The following GALNT6 variants were observed in gnomAD, a reference collection of about 807,000 sequenced individuals.
The protein encoded by GALNT6 is GalNAc transferase 6.
GALNT6 carries 51 observed loss-of-function variants against 65.9 expected under a neutral mutation model. That is an observed-to-expected ratio of 0.77 (90% confidence interval 0.62 to 0.98). The LOEUF is 0.98. Among genes scored for constraint, GALNT6 ranks in the 50% least tolerant of loss-of-function variants. The pLI is 0.00. For synonymous variants in GALNT6, 323 were observed against 315.1 expected (o/e 1.02, Z -0.26); for missense variants, 708 against 803.3 (o/e 0.88, Z 1.43).
At chr12:51,390,445 T>C (rs1948029736) in intron 2 of GALNT6, among the ~76,000 whole-genome samples, 1 of 152,226 alleles carries the variant, frequency 6.6e-6, no homozygotes, top group South Asian at 2.1e-4. Context: ...ATTACAGGCA[T>C]GAGCCACCAC....
intron 5 of GALNT6, 135 bp downstream of exon 5, chr12:51,365,295 C>G: frequency 1.3e-6 from 1 of 747,020 alleles, no homozygotes; most frequent in Non-Finnish European, 2.1e-6. Context: ...GGTAGAGGCA[C>G]CTGGAGTGGG....
chr12:51,366,285 C>A (rs1345108184), intron 4 of GALNT6, among the ~76,000 whole-genome samples: 1 of 152,208 alleles, frequency 6.6e-6, no homozygotes, highest in South Asian at 2.1e-4. Context: ...CAGCCACCAT[C>A]TTCCAGAGCT....
rs200044810 is a variant in GALNT6, at chr12:51,360,832, C to T, written c.1056G>A (p.Pro352=). 92 of 1,607,646 alleles carry T rather than the reference C, an allele frequency of 5.7e-5. No homozygotes were observed. Among genetic ancestry groups the T allele is most frequent in the Admixed American group, 1.8e-4 (11 of 59,986 alleles). ...TGGAGAAGAGGCCACCAGCAAACGT[C>T]GGGGATCTGGAGAGACAGAGGGAGA... ...RKDETYPIKS[P]TFAGGLFSIS... The change falls in exon 7 of 12, where the codon CCG becomes CCA. Residue 352 remains proline (P), a synonymous_variant. Transcript: ENST00000356317.
intron 4 of GALNT6, among the ~76,000 whole-genome samples, chr12:51,370,235 A>G (rs931401699): frequency 6.6e-6 from 1 of 152,358 alleles, no homozygotes; most frequent in African/African-American, 2.4e-5. Flanking sequence ...ACAATAGAAT[A>G]GTATTCAGCC....
At chr12:51,384,854 C>T (rs1275076464) in intron 2 of GALNT6, among the ~76,000 whole-genome samples, 1 of 151,968 alleles carries the variant, frequency 6.6e-6, no homozygotes, top group Non-Finnish European at 1.5e-5. Flanking sequence ...CACTGCACTA[C>T]AACCTAGGCA....
At chr12:51,356,611 G>A (rs909928075) in intron 10 of GALNT6, among the ~76,000 whole-genome samples, 2 of 150,680 alleles carry the variant, frequency 1.3e-5, no homozygotes, top group Non-Finnish European at 3.0e-5. Context: ...TGATCCACCT[G>A]CCTCACCCTC....
intron 2 of GALNT6, among the ~76,000 whole-genome samples, chr12:51,380,208 A>G (rs1406085351): frequency 6.6e-6 from 1 of 152,170 alleles, no homozygotes; most frequent in Non-Finnish European, 1.5e-5. Context: ...ATTTGAAATG[A>G]ACACAGCCTG....
At chr12:51,368,625 C>T (rs572143209) in intron 4 of GALNT6, among the ~76,000 whole-genome samples, 10 of 152,010 alleles carry the variant, frequency 6.6e-5, no homozygotes, top group African/African-American at 1.9e-4. Flanking sequence ...AGGCTGGTCT[C>T]GAATTCCTGA....
At chr12:51,359,584 G>A (rs1009712042) in intron 7 of GALNT6, 5 of 364,124 alleles carry the variant, frequency 1.4e-5, no homozygotes, top group Non-Finnish European at 2.4e-5. Flanking sequence ...TGTTTACCAG[G>A]GCCCACTTTA....
rs1294593953 is a variant in GALNT6, at chr12:51,357,391, C to A, written c.1560G>T (p.Lys520Asn). 6.2e-7 allele frequency: 1 copy of A among 1,613,890 alleles called. No homozygotes were observed. Among genetic ancestry groups the A allele is most frequent in the Admixed American group, 1.7e-5 (1 of 60,012 alleles). ...LDVGENNRGG[K>N]PLIMYSCHGL... ...CGTGGCAGGAGTACATGATGAGGGG[C>A]TTCCCCCCGCGGTTGTTCTCACCCA... Residue 520 changes from lysine to asparagine, a missense_variant, in exon 10 of 12, where the codon AAG (lysine) becomes AAT (asparagine). By Grantham distance (94) the Lys-to-Asn change is moderately conservative (BLOSUM62 0). Transcript: ENST00000356317.
chr12:51,387,683 G>A lies in GALNT6; in HGVS notation c.-104+3167C>T, dbSNP rs1947886007. Among the ~76,000 whole-genome samples, 1 of 152,176 alleles carries A rather than the reference G, an allele frequency of 6.6e-6. No individual in the cohort carries two copies. The highest frequency in any genetic ancestry group is 2.4e-5 in the African/African-American group (1 of 41,440). On this transcript the variant is annotated intron_variant, in intron 2 of 11. Transcript: ENST00000356317. The surrounding 1 kb of genome is among the most constrained non-coding windows in gnomAD (Gnocchi z 4.2). ...GTTTATCCCTAGGAGTGCAGAAGTG[G>A]AGGGAGGGTTCCAGGTGGAGATGAG...
Position 51,353,138 on chromosome 12 carries a change from C to T in GALNT6, c.*1241G>A, listed in dbSNP as rs1247448049. The T allele has an allele frequency of 1.3e-5, 2 of 152,248 alleles. No homozygotes were observed. The allele number at this position is 152,248 out of a possible 1,614,324, so 9.4% of individuals were successfully genotyped here. The stretch of plus-strand genomic sequence containing the variant: ...GAGCCTCAGTCTTGGCTCCAGCCAT[C>T]TGCTAGCTATGGGACTACAGACAAG... On this transcript the variant is annotated 3_prime_UTR_variant, in exon 12 of 12. Coordinates refer to ENST00000356317, the MANE Select transcript of GALNT6 (RefSeq NM_007210.4).
chr12:51,369,214 G>A (rs987265919), intron 4 of GALNT6, among the ~76,000 whole-genome samples: 5 of 152,192 alleles, frequency 3.3e-5, no homozygotes, highest in East Asian at 1.9e-4. Flanking sequence ...GGGGGGCCCC[G>A]AGCACTACAA....
intron 2 of GALNT6, among the ~76,000 whole-genome samples, chr12:51,388,711 A>G (rs145226119): frequency 2.0e-5 from 3 of 151,974 alleles, no homozygotes; most frequent in East Asian, 1.9e-4. Flanking sequence ...CTCCTTCCCA[A>G]TCCTTGAGTC....
chr12:51,365,235 G>T (rs1947059352), intron 5 of GALNT6, among the ~76,000 whole-genome samples, 195 bp downstream of exon 5: 1 of 152,152 alleles, frequency 6.6e-6, no homozygotes, highest in African/African-American at 2.4e-5. Flanking sequence ...AGTTGTTTTA[G>T]GGATGTTTGT....
At chr12:51,385,657 C>A (rs910489324) in intron 2 of GALNT6, among the ~76,000 whole-genome samples, 1 of 152,120 alleles carries the variant, frequency 6.6e-6, no homozygotes, top group African/African-American at 2.4e-5. Context: ...GATCTCCCAG[C>A]AGAATTCATC....
intron 4 of GALNT6, among the ~76,000 whole-genome samples, chr12:51,368,021 T>C (rs951008734): frequency 7.9e-5 from 12 of 152,034 alleles, no homozygotes; most frequent in African/African-American, 2.7e-4. Context: ...CATGGAATTT[T>C]TTTTTTTTTT....
intron 10 of GALNT6, among the ~76,000 whole-genome samples, chr12:51,356,572 C>T (rs1399283049): frequency 1.3e-5 from 2 of 151,622 alleles, no homozygotes; most frequent in African/African-American, 4.9e-5. Context: ...CTATGTTGCC[C>T]AGACAGGTCT....
chr12:51,370,037 A>C (rs1447518022), intron 4 of GALNT6, among the ~76,000 whole-genome samples: 1 of 152,210 alleles, frequency 6.6e-6, no homozygotes, highest in Non-Finnish European at 1.5e-5. Flanking sequence ...CTTAAAAAAA[A>C]CTAAAGACAG....
Sources: allele counts gnomAD v4.1 joint callset (sites outside exome capture counted in the v4.1 genomes callset), GRCh38; gene constraint gnomAD v4.1.1; non-coding constraint Gnocchi (gnomAD v3.1); transcripts MANE v1.5; gene names NCBI Gene and HGNC (gene_info 2026-07-23, HGNC 2026-07-21).